The following APOO variants were observed in gnomAD, a reference collection of about 807,000 sequenced individuals.
The protein encoded by APOO is apolipoprotein O.
In APOO, 11 loss-of-function variants were observed where a neutral mutation model predicts 23.1. The ratio of observed to expected loss-of-function variants is 0.48; its 90% CI spans 0.30 to 0.79. The LOEUF (loss-of-function observed/expected upper bound fraction) is 0.79. APOO is among the 30% of genes least tolerant of loss of function. APOO has a pLI of 0.07. For missense variants in APOO, 160 were observed against 142.7 expected, an observed-to-expected ratio of 1.12 and a Z score of -0.62; for synonymous variants, 59 against 54.8, an observed-to-expected ratio of 1.08 and a Z score of -0.34.
At chrX:23,906,300 T>C (rs1927351410) in intron 1 of APOO, among the ~76,000 whole-genome samples, 1 of 112,873 alleles carries the variant, frequency 8.9e-6, no homozygotes, top group Non-Finnish European at 1.9e-5. Flanking sequence ...AATAGATAAC[T>C]GAGACATTAC....
chrX:23,861,635 C>A (rs1372742337), intron 5 of APOO, among the ~76,000 whole-genome samples: 1 of 105,254 alleles, frequency 9.5e-6, no homozygotes, highest in East Asian at 3.0e-4. Flanking sequence ...GGATTTCCTG[C>A]TGAGAACCAA....
intron 7 of APOO, among the ~76,000 whole-genome samples, chrX:23,843,756 G>C (rs1766815583): frequency 9.2e-6 from 1 of 109,155 alleles, no homozygotes; most frequent in African/African-American, 3.3e-5. Context: ...GCTAATTATT[G>C]TATTTTTAGT....
intron 1 of APOO, among the ~76,000 whole-genome samples, chrX:23,900,294 A>G (rs1254212823): frequency 1.8e-5 from 2 of 111,704 alleles, no homozygotes; most frequent in African/African-American, 3.3e-5. Flanking sequence ...TATTATCTCA[A>G]TTGAATCTCC....
chrX:23,903,052 C>T (rs1020841608), intron 1 of APOO, among the ~76,000 whole-genome samples: 3 of 111,962 alleles, frequency 2.7e-5, no homozygotes, highest in Non-Finnish European at 5.6e-5. Context: ...AGGGGACCAA[C>T]GAAAACTATA....
chrX:23,889,940 C>T (rs912589351), intron 1 of APOO, among the ~76,000 whole-genome samples: 9 of 110,434 alleles, frequency 8.1e-5, no homozygotes, highest in Non-Finnish European at 1.3e-4. Context: ...GGATTACAGG[C>T]GTCAGCCACC....
chrX:23,834,780 A>AAT (rs1265844189), intron 8 of APOO, among the ~76,000 whole-genome samples: 3 of 107,169 alleles, frequency 2.8e-5, no homozygotes, highest in Non-Finnish European at 5.8e-5. Flanking sequence ...GCTGGAGTGC[A>AAT]GTGGCGTGAT....
intron 8 of APOO, among the ~76,000 whole-genome samples, chrX:23,838,340 A>G (rs1166906731): frequency 1.3e-5 from 1 of 77,713 alleles, no homozygotes; most frequent in African/African-American, 5.9e-5. Flanking sequence ...CTGGGCAACA[A>G]GAGTGAAACT....
intron 7 of APOO, among the ~76,000 whole-genome samples, chrX:23,850,341 TTTTAAAGCCATCACACTGGCAAA>T (rs1294375221): frequency 8.9e-6 from 1 of 112,148 alleles, no homozygotes; most frequent in African/African-American, 3.2e-5. Context: ...TGAAAAACTC[TTTTAAAGCCATCACACTGGCAAA>T]AATGGTAACA....
At chrX:23,880,233 G>C (rs1174166179) in intron 2 of APOO, among the ~76,000 whole-genome samples, 1 of 110,972 alleles carries the variant, frequency 9.0e-6, no homozygotes, top group African/African-American at 3.3e-5. Flanking sequence ...ACTTAGAAAA[G>C]TGAGTTGTGC....
intron 1 of APOO, among the ~76,000 whole-genome samples, chrX:23,897,760 G>A (rs968657490): frequency 7.2e-5 from 8 of 110,997 alleles, no homozygotes; most frequent in Non-Finnish European, 1.5e-4. Context: ...GGCCGAGGTG[G>A]GCGGATCCTT....
intron 7 of APOO, among the ~76,000 whole-genome samples, chrX:23,853,667 C>T (rs1425196288): frequency 3.7e-5 from 4 of 108,408 alleles, no homozygotes; most frequent in Non-Finnish European, 5.7e-5. Flanking sequence ...CTCCCATTCA[C>T]CAGGCTGGAG....
At chrX:23,835,762 C>T (rs752078096) in intron 8 of APOO, among the ~76,000 whole-genome samples, 6 of 110,657 alleles carry the variant, frequency 5.4e-5, no homozygotes, top group Admixed American at 3.9e-4. Flanking sequence ...ATTAAGCCTT[C>T]GGATCCAACT....
chrX:23,863,612 TG>T (rs1393290305), intron 5 of APOO, among the ~76,000 whole-genome samples: 2 of 111,263 alleles, frequency 1.8e-5, no homozygotes, highest in Non-Finnish European at 3.8e-5. Context: ...TGGAAGGTCT[TG>T]GGAAGTTTAC....
At chrX:23,867,967 C>G (rs1312296803) in intron 5 of APOO, among the ~76,000 whole-genome samples, 1 of 112,311 alleles carries the variant, frequency 8.9e-6, no homozygotes, top group Non-Finnish European at 1.9e-5. Context: ...GATTCATAAA[C>G]TTTCTTCATT....
intron 2 of APOO, among the ~76,000 whole-genome samples, chrX:23,880,188 A>G (rs1025865223): frequency 8.1e-5 from 9 of 110,765 alleles, no homozygotes; most frequent in African/African-American, 2.6e-4. Flanking sequence ...TCTTGGCTCG[A>G]TAAGAATCAA....
intron 3 of APOO, among the ~76,000 whole-genome samples, chrX:23,877,177 A>C (rs1387042128): frequency 4.4e-5 from 5 of 112,411 alleles, no homozygotes; most frequent in South Asian, 3.6e-4. Context: ...TACAAGTAAC[A>C]GTAGTCATGC....
chrX:23,890,672 T>C (rs1926614868), intron 1 of APOO, among the ~76,000 whole-genome samples: 1 of 112,050 alleles, frequency 8.9e-6, no homozygotes, highest in Non-Finnish European at 1.9e-5. Flanking sequence ...TATTATAAAA[T>C]AGGCTTTGTG....
chrX:23,876,935 C>T (rs1049295071), intron 3 of APOO, among the ~76,000 whole-genome samples: 6 of 112,359 alleles, frequency 5.3e-5, no homozygotes, highest in African/African-American at 1.9e-4. Flanking sequence ...CCCAGGAAAA[C>T]AAAACCATTA....
At chrX:23,872,817 G>A (rs912995192) in intron 4 of APOO, among the ~76,000 whole-genome samples, 7 of 110,566 alleles carry the variant, frequency 6.3e-5, no homozygotes, top group African/African-American at 2.3e-4. Context: ...TTGGGGGGCT[G>A]AGGTGGGTGG....
Sources: allele counts gnomAD v4.1 joint callset (sites outside exome capture counted in the v4.1 genomes callset), GRCh38; gene constraint gnomAD v4.1.1; transcripts MANE v1.5; gene names NCBI Gene and HGNC (gene_info 2026-07-23, HGNC 2026-07-21).